Variants in NCKAP5 observed in about 807,000 individuals in gnomAD.
NCKAP5 encodes NCK associated protein 5.
In NCKAP5, 92 loss-of-function variants were observed where a neutral mutation model predicts 167.0. That is an observed-to-expected ratio of 0.55 (90% CI 0.47 to 0.66). NCKAP5 has a LOEUF of 0.66. Among genes scored for constraint, NCKAP5 ranks in the 30% least tolerant of loss-of-function variants. The probability of loss-of-function intolerance (pLI) is 0.00; values close to 1 mark genes in which losing one functional copy is unlikely to be tolerated. For missense variants in NCKAP5, 2,378 were observed against 2,315.0 expected (o/e 1.03, Z -0.56); for synonymous variants, 891 against 877.4 (o/e 1.02, Z -0.27).
intron 16 of NCKAP5, among the ~76,000 whole-genome samples, chr2:132,772,892 GGAGACTGA>G (rs1487110614): frequency 6.6e-6 from 1 of 152,204 alleles, no homozygotes; most frequent in Non-Finnish European, 1.5e-5. Context: ...CCGAATAGTG[GGAGACTGA>G]GAGTAGGCAG....
At chr2:133,088,610 A>G (rs1201414064) in intron 6 of NCKAP5, among the ~76,000 whole-genome samples, 1 of 152,180 alleles carries the variant, frequency 6.6e-6, no homozygotes, top group Non-Finnish European at 1.5e-5. Flanking sequence ...CATCAGATGC[A>G]ATGTTCCATT....
At chr2:133,172,479 C>G (rs1014061278) in intron 5 of NCKAP5, among the ~76,000 whole-genome samples, 3 of 152,198 alleles carry the variant, frequency 2.0e-5, no homozygotes, top group Non-Finnish European at 2.9e-5. Context: ...TTTATCATAT[C>G]TGTTTTTTTG....
At chr2:133,595,770 T>C in the NCKAP5 span, among the ~76,000 whole-genome samples, 17 of 152,200 alleles carry the variant, frequency 1.1e-4, no homozygotes, top group African/African-American at 4.1e-4. Context: ...GGAAGCAGCC[T>C]GGAAGCAGCC....
intron 8 of NCKAP5, among the ~76,000 whole-genome samples, chr2:132,963,344 C>T (rs761946019): frequency 6.6e-6 from 1 of 152,138 alleles, no homozygotes; most frequent in African/African-American, 2.4e-5. Context: ...ATCATCTTTA[C>T]ATACTATTAA....
At chr2:133,567,718 G>A (rs1688668854) in intron 1 of NCKAP5, among the ~76,000 whole-genome samples, 3 of 150,054 alleles carry the variant, frequency 2.0e-5, no homozygotes, top group South Asian at 4.3e-4. Flanking sequence ...GAGAGTGTAG[G>A]TAGGAGGGGA....
chr2:133,555,483 G>GAAGC (rs1687677842), intron 2 of NCKAP5, among the ~76,000 whole-genome samples: 1 of 152,238 alleles, frequency 6.6e-6, no homozygotes, highest in Non-Finnish European at 1.5e-5. Flanking sequence ...CCTTTGCAAT[G>GAAGC]AAGCCCATTC....
intron 3 of NCKAP5, among the ~76,000 whole-genome samples, chr2:133,437,872 G>T (rs1574955013): frequency 1.3e-5 from 2 of 152,206 alleles, no homozygotes; most frequent in Non-Finnish European, 2.9e-5. Flanking sequence ...GTTTAGCATG[G>T]TGCCTGTCAT....
intron 8 of NCKAP5, among the ~76,000 whole-genome samples, chr2:132,956,541 A>G (rs1376704981): frequency 6.6e-6 from 1 of 152,142 alleles, no homozygotes; most frequent in East Asian, 1.9e-4. Flanking sequence ...CTCCCGCATC[A>G]TCGATTTCGC....
intron 3 of NCKAP5, among the ~76,000 whole-genome samples, chr2:133,488,606 G>A (rs1681131216): frequency 6.6e-6 from 1 of 152,154 alleles, no homozygotes; most frequent in Non-Finnish European, 1.5e-5. Flanking sequence ...GGCAAGGCAG[G>A]AGGACTGCTC....
rs541645436 is a variant in NCKAP5 at position 132,778,564 on chromosome 2, G to A, written c.5049+2488C>T. ...AAGATGGTGGTATAGTACGTCATAA[G>A]GTTTCAAACAGTGGTTTTATTTAGA... On this transcript the variant is annotated intron_variant, in intron 15 of 19. Transcript: ENST00000409261. Among the ~76,000 whole-genome samples the A allele has an allele frequency of 1.2e-4, 18 of 152,164 alleles. No homozygotes were observed. The South Asian group carries it at 3.5e-3, about 30-fold the overall frequency.
At chr2:133,572,940 A>G (rs1483600106), upstream of NCKAP5, among the ~76,000 whole-genome samples, 2 of 152,214 alleles carry the variant, frequency 1.3e-5, no homozygotes, top group African/African-American at 2.4e-5. Flanking sequence ...TCTAGTCTAC[A>G]ATCAGACATT....
chr2:132,925,902 C>T (rs537359616), intron 8 of NCKAP5, among the ~76,000 whole-genome samples: 3 of 152,214 alleles, frequency 2.0e-5, no homozygotes, highest in African/African-American at 7.2e-5. Context: ...AAAAATTTTA[C>T]GAATTTAGGG....
chr2:133,593,707 C>T, the NCKAP5 span, among the ~76,000 whole-genome samples: 26 of 152,154 alleles, frequency 1.7e-4, 1 homozygote, highest in Middle Eastern at 3.4e-3. Flanking sequence ...CTATGTATGA[C>T]GGTTTGATAC....
intron 3 of NCKAP5, among the ~76,000 whole-genome samples, chr2:133,416,767 C>A (rs1260047478): frequency 6.6e-6 from 1 of 152,162 alleles, no homozygotes; most frequent in Admixed American, 6.5e-5. Context: ...TCAGCTCAGA[C>A]TCACCATTCC....
chr2:133,090,145 T>C (rs74712118), intron 6 of NCKAP5, among the ~76,000 whole-genome samples: 9,917 of 150,040 alleles, frequency 0.066, 386 homozygotes, highest in African/African-American at 0.11. Context: ...CGTGGGAGGA[T>C]CTCTTGAGCC....
intron 7 of NCKAP5, among the ~76,000 whole-genome samples, chr2:132,992,957 C>T (rs1040623875): frequency 1.3e-5 from 2 of 152,148 alleles, no homozygotes; most frequent in African/African-American, 4.8e-5. Context: ...TACAGCCTCG[C>T]CTCTTAAGGT....
At chr2:133,357,679 ATC>A (rs1454069707) in intron 3 of NCKAP5, among the ~76,000 whole-genome samples, 1 of 152,196 alleles carries the variant, frequency 6.6e-6, no homozygotes. Context: ...TGACCTCCTT[ATC>A]AATCTCCTTG....
At chr2:133,326,437 C>G (rs1422459852) in intron 3 of NCKAP5, among the ~76,000 whole-genome samples, 1 of 119,438 alleles carries the variant, frequency 8.4e-6, no homozygotes, top group Non-Finnish European at 1.6e-5. Flanking sequence ...AGCCTGGTGA[C>G]AGAGCAAGAC....
intron 12 of NCKAP5, among the ~76,000 whole-genome samples, chr2:132,793,176 A>G (rs142265521): frequency 0.023 from 3,431 of 152,112 alleles, 127 homozygotes; most frequent in African/African-American, 0.079. Context: ...CACCTGGCTA[A>G]TTTTGTATTT....
Sources: gnomAD v4.1 joint callset for allele counts (sites outside exome capture counted in the v4.1 genomes callset) on GRCh38, gnomAD v4.1.1 for gene constraint, MANE v1.5 for transcripts, NCBI Gene and HGNC (gene_info 2026-07-23, HGNC 2026-07-21) for gene names.